Variants in DSCAM observed in about 807,000 individuals in gnomAD.
DSCAM encodes cell adhesion molecule DSCAM.
In DSCAM, 47 loss-of-function variants were observed where a neutral mutation model predicts 217.7. The ratio of observed to expected loss-of-function variants is 0.22; its 90% CI spans 0.17 to 0.28. The LOEUF is 0.28. DSCAM is among the 10% of genes least tolerant of loss of function. The probability of loss-of-function intolerance (pLI) is 1.00; values close to 1 mark genes in which losing one functional copy is unlikely to be tolerated. For missense variants in DSCAM, 2,080 were observed against 2,618.3 expected (o/e 0.79, Z 4.49); for synonymous variants, 1,056 against 1,015.3 (o/e 1.04, Z -0.76).
chr21:40,053,447 A>G (rs1266861080), intron 29 of DSCAM, among the ~76,000 whole-genome samples: 1 of 152,120 alleles, frequency 6.6e-6, no homozygotes, highest in Non-Finnish European at 1.5e-5. Flanking sequence ...TAATGATGGG[A>G]TATGTCACAG....
At chr21:40,104,393 A>G (rs1040838812) in intron 20 of DSCAM, among the ~76,000 whole-genome samples, 1 of 152,190 alleles carries the variant, frequency 6.6e-6, no homozygotes, top group African/African-American at 2.4e-5. Flanking sequence ...ATTTAAAGCC[A>G]ATTTATTTCC....
At chr21:40,488,725 A>G (rs1568846559) in intron 3 of DSCAM, among the ~76,000 whole-genome samples, 1 of 152,304 alleles carries the variant, frequency 6.6e-6, no homozygotes, top group East Asian at 1.9e-4. Flanking sequence ...GCTTTATTTC[A>G]CTATTGTCTT....
At chr21:40,170,235 C>T (rs1309954579) in intron 15 of DSCAM, among the ~76,000 whole-genome samples, 1 of 152,172 alleles carries the variant, frequency 6.6e-6, no homozygotes, top group Non-Finnish European at 1.5e-5. Context: ...CTGCAGCTGA[C>T]ACCTGCCTAG....
intron 10 of DSCAM, among the ~76,000 whole-genome samples, chr21:40,284,345 G>A (rs1292492971): frequency 6.6e-6 from 1 of 152,138 alleles, no homozygotes; most frequent in Admixed American, 6.5e-5. Flanking sequence ...TTCCACCACT[G>A]TGCAGGTAAT....
intron 1 of DSCAM, among the ~76,000 whole-genome samples, chr21:40,811,588 A>T (rs553398142): frequency 4.6e-5 from 7 of 152,222 alleles, no homozygotes; most frequent in Non-Finnish European, 8.8e-5. Context: ...CAGCAGAACC[A>T]GGTGGTCCAT....
intron 11 of DSCAM, among the ~76,000 whole-genome samples, chr21:40,192,828 GC>G (rs1220029584): frequency 1.3e-5 from 2 of 152,096 alleles, no homozygotes; most frequent in Middle Eastern, 3.2e-3. Flanking sequence ...ACCCACTGAT[GC>G]ACACTGGGGT....
chr21:40,442,964 C>G (rs1025160410), intron 3 of DSCAM, among the ~76,000 whole-genome samples: 7 of 152,150 alleles, frequency 4.6e-5, no homozygotes, highest in Non-Finnish European at 1.0e-4. Context: ...CAAAAGCATA[C>G]AAAATAGCAG....
chr21:40,488,254 CCTCT>C (rs2076046510), intron 3 of DSCAM, among the ~76,000 whole-genome samples: 1 of 152,210 alleles, frequency 6.6e-6, no homozygotes, highest in Admixed American at 6.5e-5. Context: ...CAAAGCCCTT[CCTCT>C]CTGAGTTTCT....
At chr21:40,843,381 T>A (rs1268340056) in intron 1 of DSCAM, among the ~76,000 whole-genome samples, 1 of 140,766 alleles carries the variant, frequency 7.1e-6, no homozygotes, top group African/African-American at 3.1e-5. Flanking sequence ...TGTGTGTGTG[T>A]GTGTGTGTGT....
intron 15 of DSCAM, among the ~76,000 whole-genome samples, chr21:40,170,788 C>G (rs186171587): frequency 2.0e-5 from 3 of 152,162 alleles, no homozygotes; most frequent in Non-Finnish European, 4.4e-5. Context: ...TTTAGTTACA[C>G]TTAACTGAAT....
intron 3 of DSCAM, among the ~76,000 whole-genome samples, chr21:40,459,966 T>C (rs1178922425): frequency 6.6e-6 from 1 of 152,204 alleles, no homozygotes; most frequent in Non-Finnish European, 1.5e-5. Context: ...CACGAGATCA[T>C]GTCCTTTGCT....
At chr21:40,502,912 A>T (rs1384869339) in intron 3 of DSCAM, among the ~76,000 whole-genome samples, 1 of 152,030 alleles carries the variant, frequency 6.6e-6, no homozygotes, top group Admixed American at 6.6e-5. Flanking sequence ...ATTATGTATA[A>T]TTTTTTTTAT....
chr21:40,255,814 C>T (rs1271700218), intron 11 of DSCAM, among the ~76,000 whole-genome samples: 1 of 152,188 alleles, frequency 6.6e-6, no homozygotes, highest in Non-Finnish European at 1.5e-5. Context: ...GGCAGGGAAG[C>T]AGCGATGTCT....
chr21:40,474,318 A>AT (rs1259747929), intron 3 of DSCAM, among the ~76,000 whole-genome samples: 1 of 151,758 alleles, frequency 6.6e-6, no homozygotes, highest in Non-Finnish European at 1.5e-5. Flanking sequence ...TAAATATTAA[A>AT]AAAAAACACA....
intron 3 of DSCAM, chr21:40,630,600 A>T (rs2089677904): frequency 6.6e-6 from 1 of 152,256 alleles, no homozygotes; most frequent in African/African-American, 2.4e-5. Flanking sequence ...CGCCCAGCCA[A>T]AGTAATATAT....
intron 3 of DSCAM, among the ~76,000 whole-genome samples, chr21:40,672,989 C>G (rs769765178): frequency 5.9e-5 from 9 of 152,194 alleles, no homozygotes; most frequent in Non-Finnish European, 1.2e-4. Context: ...CAATCCCCAG[C>G]CCAGAATTCA....
At chr21:40,226,237 C>T (rs746010540) in intron 11 of DSCAM, among the ~76,000 whole-genome samples, 4 of 152,132 alleles carry the variant, frequency 2.6e-5, no homozygotes, top group Non-Finnish European at 5.9e-5. Flanking sequence ...CAATAAGGAA[C>T]ATAGATAAGA....
At chr21:40,200,585 C>G (rs927094354) in intron 11 of DSCAM, among the ~76,000 whole-genome samples, 4 of 152,192 alleles carry the variant, frequency 2.6e-5, no homozygotes, top group African/African-American at 9.6e-5. Context: ...CACCTTTTGG[C>G]TATTGTGAAC....
intron 3 of DSCAM, among the ~76,000 whole-genome samples, chr21:40,607,292 A>G (rs2089252973): frequency 6.6e-6 from 1 of 152,178 alleles, no homozygotes; most frequent in Admixed American, 6.5e-5. Flanking sequence ...AGCAAGATAA[A>G]TGGTTCCAAT....
Sources: allele counts gnomAD v4.1 joint callset (sites outside exome capture counted in the v4.1 genomes callset), GRCh38; gene constraint gnomAD v4.1.1; transcripts MANE v1.5; gene names NCBI Gene and HGNC (gene_info 2026-07-23, HGNC 2026-07-21).